Variants in MRNIP observed in about 807,000 individuals in gnomAD.
MRNIP encodes the protein MRN complex-interacting protein.
Under a neutral mutation model 29.8 loss-of-function variants are expected in MRNIP, and 30 were observed. The ratio of observed to expected loss-of-function variants is 1.01; its 90% CI spans 0.75 to 1.36. The LOEUF (loss-of-function observed/expected upper bound fraction) is 1.36. MRNIP is among the 40% of genes most tolerant of loss of function. The pLI is 0.00. For missense variants in MRNIP, 459 were observed against 423.5 expected, an observed-to-expected ratio of 1.08 and a Z score of -0.74; for synonymous variants, 201 against 164.1, an observed-to-expected ratio of 1.23 and a Z score of -1.72.
chr5:179,838,031 G>C (rs866404591), intron 6 of MRNIP, 146 bp from the exon 7 acceptor site: 14 of 733,572 alleles, frequency 1.9e-5, no homozygotes, highest in Admixed American at 1.2e-4. Flanking sequence ...CTTTGATTTT[G>C]AGGGTTAGCA....
At chr5:179,843,051 A>AAGGAAGGAAGGG (rs1443248908) in intron 4 of MRNIP, among the ~76,000 whole-genome samples, 13 of 129,168 alleles carry the variant, frequency 1.0e-4, no homozygotes, top group South Asian at 6.1e-4. Flanking sequence ...AGAAGGAAGG[A>AAGGAAGGAAGGG]AGGAAGGAAG....
chr5:179,840,589 C>CAGGG, intron 6 of MRNIP: 1 of 567,574 alleles, frequency 1.8e-6, no homozygotes, highest in Non-Finnish European at 3.1e-6. Flanking sequence ...ATGGCCCTGA[C>CAGGG]CCATCGTCAG....
intron 4 of MRNIP, among the ~76,000 whole-genome samples, chr5:179,843,081 G>GGCAA (rs1216864428): frequency 1.5e-4 from 22 of 146,076 alleles, no homozygotes; most frequent in East Asian, 6.1e-4. Flanking sequence ...GAGGGAGGGA[G>GGCAA]GCAGGCAAGC....
chr5:179,849,948 G>A (rs964352838), intron 2 of MRNIP, among the ~76,000 whole-genome samples: 12 of 150,220 alleles, frequency 8.0e-5, no homozygotes, highest in Non-Finnish European at 1.6e-4. Context: ...CAGATGGTAC[G>A]GGATGGAATT....
Position 179,858,814 on chromosome 5 carries a change from C to T in MRNIP, c.-18G>A. The stretch of plus-strand genomic sequence containing the variant: ...GACGCCATCCCTGCTTGTGCAGTCG[C>T]CAGGCAGCCAAGCGCGTGCGCTCTG... On this transcript the variant is annotated 5_prime_UTR_variant, in exon 1 of 7. Transcript: ENST00000292586. 1.3e-6 allele frequency: 2 copies of T among 1,538,086 alleles called. No homozygotes were observed. Among genetic ancestry groups the T allele is most frequent in the Non-Finnish European group, 1.7e-6 (2 of 1,143,464 alleles).
chr5:179,847,957 G>A (rs780586245), intron 3 of MRNIP, 21 bp downstream of exon 3: 21 of 1,535,364 alleles, frequency 1.4e-5, no homozygotes, highest in African/African-American at 2.7e-5. Context: ...AGACAACCAC[G>A]CTCTTCTCAA....
At chr5:179,851,375 G>C in intron 2 of MRNIP, 1 of 456,102 alleles carries the variant, frequency 2.2e-6, no homozygotes, top group South Asian at 1.5e-5. Context: ...CTTCCAGTTG[G>C]CTTGGAATGA....
At chr5:179,851,989 A>T (rs1024645705) in intron 2 of MRNIP, among the ~76,000 whole-genome samples, 3 of 151,966 alleles carry the variant, frequency 2.0e-5, no homozygotes, top group African/African-American at 7.3e-5. Flanking sequence ...AAAAAATAAA[A>T]AAATAAAAAA....
In MRNIP at chr5:179,841,186, CCCAGG is replaced by C. The variant is rs1758868629; in HGVS notation, c.450-232_450-228del. The C allele has an allele frequency of 7.3e-6, 4 of 546,656 alleles. No homozygotes were observed. The East Asian group carries it at 1.3e-4, about 17-fold the overall frequency. The allele number at this position is 546,656 out of a possible 1,614,324, so 33.9% of individuals were successfully genotyped here. On this transcript the variant is annotated intron_variant, in intron 5 of 6. Transcript: ENST00000292586. ...TATTTCAGTCAGGGTCTCACCGGCACCCAGGCTGGAGTGCAATGGCTCACTGCCGC... is the reference window on the plus strand; with the variant it reads ...TATTTCAGTCAGGGTCTCACCGGCACCTGGAGTGCAATGGCTCACTGCCGC...
At chr5:179,852,994 C>T (rs529713110) in intron 2 of MRNIP, among the ~76,000 whole-genome samples, 6 of 152,354 alleles carry the variant, frequency 3.9e-5, no homozygotes, top group South Asian at 4.1e-4. Flanking sequence ...TTCTCACAGT[C>T]CCCAGTGCTT....
chr5:179,843,043 A>AAGGAAGGAAGGGAGGGAGGGAGGG (rs1554093098), intron 4 of MRNIP, among the ~76,000 whole-genome samples: 1 of 97,066 alleles, frequency 1.0e-5, no homozygotes. Context: ...AGGAGGAAAG[A>AAGGAAGGAAGGGAGGGAGGGAGGG]AGGAAGGAAG....
chr5:179,837,419 G>T lies in MRNIP; in HGVS notation c.1004C>A (p.Thr335Asn), dbSNP rs1310968250. The T allele has an allele frequency of 1.2e-5, 19 of 1,602,474 alleles. No homozygotes were observed. Among genetic ancestry groups the T allele is most frequent in the East Asian group, 4.5e-5 (2 of 44,758 alleles). ...CACATCATCATCGAAGTCTTCCCCA[G>T]TTATAAAGAGGTCACATAGTCGTGT... ...RPTRLCDLFI[T>N]GEDFDDDV Residue 335 changes from threonine (T) to asparagine (N), a missense_variant, in exon 7 of 7, where the codon ACT becomes AAT. Transcript: ENST00000292586.
At chr5:179,843,580 A>G (rs1223546413) in intron 4 of MRNIP, among the ~76,000 whole-genome samples, 1 of 152,084 alleles carries the variant, frequency 6.6e-6, no homozygotes, top group African/African-American at 2.4e-5. Context: ...CTCTACAAAA[A>G]AGAAAAAAAA....
intron 2 of MRNIP, chr5:179,851,145 C>A: frequency 2.2e-6 from 1 of 447,788 alleles, no homozygotes; most frequent in Non-Finnish European, 4.5e-6. Flanking sequence ...ACACACAGCA[C>A]AGAGGCATTG....
chr5:179,846,623 G>A (rs1759141309), intron 3 of MRNIP, among the ~76,000 whole-genome samples: 5 of 152,132 alleles, frequency 3.3e-5, no homozygotes, highest in Non-Finnish European at 7.4e-5. Context: ...ATATATTGCT[G>A]CAAAGAGGAG....
intron 1 of MRNIP, among the ~76,000 whole-genome samples, chr5:179,854,948 C>A (rs1193455996): frequency 6.6e-6 from 1 of 152,208 alleles, no homozygotes; most frequent in East Asian, 1.9e-4. Context: ...GGGTTGCCCG[C>A]TATTATTTAC....
intron 1 of MRNIP, among the ~76,000 whole-genome samples, chr5:179,857,334 G>A (rs1164462836): frequency 6.6e-6 from 1 of 151,970 alleles, no homozygotes; most frequent in African/African-American, 2.4e-5. Flanking sequence ...GGTGGCGCGC[G>A]CCTGTAATCC....
chr5:179,840,695 G>C, intron 6 of MRNIP, 177 bp downstream of exon 6: 3 of 619,476 alleles, frequency 4.8e-6, no homozygotes, highest in South Asian at 1.9e-5. Flanking sequence ...GGAGGGAAAA[G>C]GGGGTACAGA....
chr5:179,842,011 G>T lies in MRNIP; in HGVS notation c.345C>A (p.Ser115=). 1 of 1,614,020 alleles carries T rather than the reference G, an allele frequency of 6.2e-7. No individual in the cohort carries two copies. Among genetic ancestry groups the T allele is most frequent in the Non-Finnish European group, 8.5e-7 (1 of 1,180,004 alleles). The change falls in exon 5 of 7, where the codon TCC becomes TCA. Residue 115 remains serine (S), a synonymous_variant. Coordinates refer to ENST00000292586, the MANE Select transcript of MRNIP (RefSeq NM_016175.4). ...CTGTTCCTTCCAGCTCCAGTTCTTG[G>T]GAGTCCTTTTCTAGATACTTCAGCC... is the stretch of plus-strand genomic sequence containing the variant. ...SRWLKYLEKD[S]QELELEGTGV... is the part of the protein sequence containing the mutation.
Sources: allele counts gnomAD v4.1 joint callset (sites outside exome capture counted in the v4.1 genomes callset), GRCh38; gene constraint gnomAD v4.1.1; transcripts MANE v1.5; gene names NCBI Gene and HGNC (gene_info 2026-07-23, HGNC 2026-07-21).